The following MYO3A variants were observed in gnomAD, a reference collection of about 807,000 sequenced individuals.
The protein encoded by MYO3A is myosin-IIIa.
Under a neutral mutation model 192.7 loss-of-function variants are expected in MYO3A, and 180 were observed. The observed-to-expected ratio is 0.93, with a 90% CI of 0.83 to 1.06. The LOEUF (loss-of-function observed/expected upper bound fraction) is 1.06. MYO3A is among the 50% of genes least tolerant of loss of function. The probability of loss-of-function intolerance (pLI) is 0.00; values close to 1 mark genes in which losing one functional copy is unlikely to be tolerated. For missense variants in MYO3A, 1,896 were observed against 1,905.0 expected (o/e 1.00, Z 0.09); for synonymous variants, 628 against 645.3 (o/e 0.97, Z 0.41).
chr10:25,974,809 C>A (rs1260995067), intron 4 of MYO3A, among the ~76,000 whole-genome samples: 1 of 152,116 alleles, frequency 6.6e-6, no homozygotes. Context: ...ATGAGTTCAT[C>A]ACACCACCAT....
chr10:26,168,999 TG>T (rs1841908024), intron 28 of MYO3A, 125 bp downstream of exon 28: 2 of 904,634 alleles, frequency 2.2e-6, no homozygotes, highest in South Asian at 3.4e-5. Context: ...TTGATACTTT[TG>T]CTATATTAAA....
chr10:26,072,965 C>T (rs1188110920), intron 14 of MYO3A, among the ~76,000 whole-genome samples: 2 of 152,166 alleles, frequency 1.3e-5, no homozygotes, highest in East Asian at 1.9e-4. Context: ...AACTATAGTA[C>T]ATTCATACAG....
At chr10:26,137,023 A>G (rs1273460914) in intron 20 of MYO3A, among the ~76,000 whole-genome samples, 1 of 137,996 alleles carries the variant, frequency 7.2e-6, no homozygotes, top group Non-Finnish European at 1.6e-5. Flanking sequence ...GTCTCAAAAA[A>G]CAAAACAAAA....
rs186012422 is a variant in MYO3A at position 25,958,307 on chromosome 10, A to G, written c.303+3299A>G. Among the ~76,000 whole-genome samples the G allele has an allele frequency of 7.9e-5, 12 of 152,326 alleles. No homozygotes were observed. The East Asian group carries it at 1.9e-3, about 24-fold the overall frequency. ...GGGATTCAGTTTCAATCTTCTGCAT[A>G]TGGTTAGCCAGTTATCCCAGCACCA... is the stretch of plus-strand genomic sequence containing the variant. On this transcript the variant is annotated intron_variant, in intron 4 of 34. Coordinates refer to ENST00000642920, the MANE Select transcript of MYO3A (RefSeq NM_017433.5).
chr10:26,192,650 C>T, intron 31 of MYO3A, among the ~76,000 whole-genome samples: 4 of 101,900 alleles, frequency 3.9e-5, no homozygotes, highest in South Asian at 3.9e-4. Flanking sequence ...CCCTTCCTTT[C>T]TTTCCTTTTT....
At chr10:26,089,892 C>A (rs193082490) in intron 15 of MYO3A, among the ~76,000 whole-genome samples, 1 of 152,166 alleles carries the variant, frequency 6.6e-6, no homozygotes, top group East Asian at 1.9e-4. Context: ...TAAGTTTAAG[C>A]CATTAGTAGT....
At chr10:26,155,822 T>A (rs1372782151) in intron 25 of MYO3A, among the ~76,000 whole-genome samples, 1 of 152,194 alleles carries the variant, frequency 6.6e-6, no homozygotes, top group African/African-American at 2.4e-5. Flanking sequence ...AGTTGTTTCC[T>A]TTTTTTAAGT....
intron 17 of MYO3A, among the ~76,000 whole-genome samples, chr10:26,101,917 G>C (rs987347400): frequency 6.6e-6 from 1 of 152,060 alleles, no homozygotes; most frequent in African/African-American, 2.4e-5. Flanking sequence ...GGCATTTTCT[G>C]TATTTCCTGA....
chr10:26,153,688 AT>A (rs953048953), intron 23 of MYO3A, among the ~76,000 whole-genome samples, 161 bp from the exon 24 acceptor site: 8 of 152,182 alleles, frequency 5.3e-5, no homozygotes, highest in South Asian at 2.1e-4. Context: ...TTTTTACATA[AT>A]TTTTTTTATT....
chr10:26,132,384 T>C (rs1292145159), intron 20 of MYO3A, among the ~76,000 whole-genome samples: 1 of 152,190 alleles, frequency 6.6e-6, no homozygotes, highest in East Asian at 1.9e-4. Flanking sequence ...ATCATTGTGG[T>C]ATAGAACATA....
At chr10:26,136,323 T>C (rs1457483995) in intron 20 of MYO3A, among the ~76,000 whole-genome samples, 2 of 152,234 alleles carry the variant, frequency 1.3e-5, no homozygotes, top group East Asian at 3.8e-4. Context: ...TTCCCCATTC[T>C]GAAATATCTA....
At chr10:26,155,880 T>A (rs1409777185) in intron 25 of MYO3A, among the ~76,000 whole-genome samples, 1 of 152,198 alleles carries the variant, frequency 6.6e-6, no homozygotes, top group Non-Finnish European at 1.5e-5. Context: ...CATCAAACAC[T>A]GTATGTATGT....
rs938078249 is a variant in MYO3A at position 26,211,726 on chromosome 10, T to G, written c.4731-117T>G. On this transcript the variant is annotated intron_variant, in intron 34 of 34. Transcript: ENST00000642920. The stretch of plus-strand genomic sequence containing the variant: ...CCAGTCGTTTCGATTGTGCCTTTCC[T>G]AAATGTCCGCGGTTGGCAGAACGTG... The G allele has an allele frequency of 2.7e-5, 40 of 1,495,248 alleles. No homozygotes were observed. The African/African-American group carries it at 5.0e-4, about 19-fold the overall frequency. 92.6% of individuals were successfully genotyped at this position (1,495,248 alleles called of 1,614,324 possible).
rs377591764 is a variant in MYO3A at position 26,212,005 on chromosome 10, C to A, written c.*42C>A. 7.4e-5 allele frequency: 118 copies of A among 1,600,004 alleles called. No individual in the cohort carries two copies. The highest frequency in any genetic ancestry group is 2.2e-4 in the Admixed American group (13 of 59,206). Reference sequence around the variant, plus strand: ...TCACCGCCGTCGGAAGGCGCTGGAGCCTGCGGGGCAGCAGGGGCCAAGCAG... The same window carrying A: ...TCACCGCCGTCGGAAGGCGCTGGAGACTGCGGGGCAGCAGGGGCCAAGCAG... On this transcript the variant is annotated 3_prime_UTR_variant, in exon 35 of 35. Coordinates refer to ENST00000642920, the MANE Select transcript of MYO3A (RefSeq NM_017433.5).
intron 4 of MYO3A, among the ~76,000 whole-genome samples, chr10:25,963,434 T>G (rs1035655556): frequency 1.6e-4 from 25 of 152,336 alleles, no homozygotes; most frequent in African/African-American, 6.0e-4. Context: ...TTAGAATGAA[T>G]GTGAGCTTTC....
At chr10:26,032,465 A>G (rs917109288) in intron 10 of MYO3A, among the ~76,000 whole-genome samples, 2 of 152,012 alleles carry the variant, frequency 1.3e-5, no homozygotes, top group Non-Finnish European at 2.9e-5. Context: ...AAATACAAAA[A>G]ATTAGCCAGG....
chr10:26,111,216 T>C (rs1352548804), intron 17 of MYO3A, among the ~76,000 whole-genome samples: 2 of 152,090 alleles, frequency 1.3e-5, no homozygotes, highest in Non-Finnish European at 2.9e-5. Context: ...GCTTCAACTC[T>C]GGAAGAGGAA....
At chr10:26,074,744 A>T (rs1216012354) in intron 14 of MYO3A, among the ~76,000 whole-genome samples, 1 of 151,544 alleles carries the variant, frequency 6.6e-6, no homozygotes, top group Non-Finnish European at 1.5e-5. Context: ...TTTGACTCTG[A>T]CATAGTCTTA....
intron 6 of MYO3A, among the ~76,000 whole-genome samples, chr10:26,005,531 G>T (rs1453999576): frequency 6.6e-6 from 1 of 152,136 alleles, no homozygotes; most frequent in African/African-American, 2.4e-5. Flanking sequence ...TTTGAAGGTT[G>T]TGTAAGGGGA....
Sources: allele counts gnomAD v4.1 joint callset (sites outside exome capture counted in the v4.1 genomes callset), GRCh38; gene constraint gnomAD v4.1.1; transcripts MANE v1.5; gene names NCBI Gene and HGNC (gene_info 2026-07-23, HGNC 2026-07-21).